Variants in PSG9 observed in about 807,000 individuals in gnomAD.
PSG9 encodes pregnancy-specific beta-1-glycoprotein 9.
PSG9 carries 49 observed loss-of-function variants against 41.9 expected under a neutral mutation model. The observed-to-expected ratio is 1.17, with a 90% confidence interval of 0.93 to 1.48. PSG9 has a LOEUF of 1.48. Ranked by LOEUF, PSG9 falls within the 40% of genes most tolerant of loss-of-function variation. The pLI is 0.00. For missense variants in PSG9, 641 were observed against 520.3 expected (o/e 1.23, Z -2.26); for synonymous variants, 263 against 196.8 (o/e 1.34, Z -2.82).
chr19:43,258,804 T>C, intron 4 of PSG9, 53 bp downstream of exon 4: 3 of 1,571,920 alleles, frequency 1.9e-6, no homozygotes, highest in South Asian at 1.1e-5. Context: ...TGGCATCTGG[T>C]CGTTTGGACT....
Position 43,269,361 on chromosome 19 carries a change from T to C in PSG9, c.64+7A>G. On this transcript the variant is annotated splice_region_variant and intron_variant, in intron 1 of 5. Coordinates refer to ENST00000270077, the MANE Select transcript of PSG9 (RefSeq NM_002784.5). ...CCCTGTCCTCTCCCAGGAAGTTCTCTCCTCACCTGTGAGCAGGAGCCCCTT... is the reference window on the plus strand; with the variant it reads ...CCCTGTCCTCTCCCAGGAAGTTCTCCCCTCACCTGTGAGCAGGAGCCCCTT... 1.9e-6 allele frequency: 3 copies of C among 1,613,452 alleles called. No homozygotes were observed. Among genetic ancestry groups the C allele is most frequent in the South Asian group, 1.1e-5 (1 of 91,078 alleles).
At chr19:43,269,210 T>C (rs1017919823) in intron 1 of PSG9, among the ~76,000 whole-genome samples, 158 bp downstream of exon 1, 1 of 151,968 alleles carries the variant, frequency 6.6e-6, no homozygotes, top group African/African-American at 2.4e-5. Context: ...TTCACTGCAT[T>C]GGCCGGACTG....
At chr19:43,262,378 G>A (rs896770753) in intron 2 of PSG9, among the ~76,000 whole-genome samples, 3 of 152,094 alleles carry the variant, frequency 2.0e-5, no homozygotes, top group Admixed American at 6.5e-5. Context: ...CAGCAGCATT[G>A]GGTCATGGAA....
intron 2 of PSG9, among the ~76,000 whole-genome samples, chr19:43,266,505 T>A (rs963592789): frequency 2.3e-4 from 35 of 152,012 alleles, no homozygotes; most frequent in Non-Finnish European, 4.4e-4. Flanking sequence ...CTCTCCTTGA[T>A]CCTCTCATGA....
intron 1 of PSG9, 145 bp from the exon 2 acceptor site, chr19:43,268,294 C>G: frequency 7.7e-7 from 1 of 1,303,926 alleles, no homozygotes; most frequent in Non-Finnish European, 1.1e-6. Flanking sequence ...ACACAAAAAA[C>G]GGGCATGTGT....
chr19:43,261,450 A>G (rs1968705742), intron 3 of PSG9, among the ~76,000 whole-genome samples: 1 of 152,158 alleles, frequency 6.6e-6, no homozygotes, highest in South Asian at 2.1e-4. Flanking sequence ...TGGTGGGTGC[A>G]TCCAGGCCAT....
chr19:43,265,969 A>G (rs1014899285), intron 2 of PSG9, among the ~76,000 whole-genome samples: 7 of 152,026 alleles, frequency 4.6e-5, no homozygotes, highest in Admixed American at 1.3e-4. Context: ...CAGTGTTAGT[A>G]GGAAGGGAAC....
intron 3 of PSG9, among the ~76,000 whole-genome samples, chr19:43,261,430 G>A (rs1167161804): frequency 6.6e-6 from 1 of 152,164 alleles, no homozygotes; most frequent in Non-Finnish European, 1.5e-5. Flanking sequence ...ATAGATGTAT[G>A]AGGAAGAAAT....
At chr19:43,262,364 T>A (rs889617754) in intron 2 of PSG9, among the ~76,000 whole-genome samples, 37 of 152,092 alleles carry the variant, frequency 2.4e-4, no homozygotes, top group African/African-American at 8.9e-4. Flanking sequence ...AAGTGTGAAT[T>A]GAGCAGCAGC....
At chr19:43,262,174 G>T (rs776275778) in intron 2 of PSG9, 36 bp from the exon 3 acceptor site, 2 of 1,593,620 alleles carry the variant, frequency 1.3e-6, no homozygotes, top group African/African-American at 2.7e-5. Flanking sequence ...GCCCTGTGTG[G>T]CACCTTTGAT....
intron 2 of PSG9, among the ~76,000 whole-genome samples, chr19:43,263,967 C>A (rs1338652587): frequency 2.0e-5 from 3 of 152,130 alleles, no homozygotes; most frequent in Non-Finnish European, 4.4e-5. Context: ...GACTGCAAAA[C>A]AGGTAGGTGA....
At chr19:43,265,387 G>A (rs1441789560) in intron 2 of PSG9, among the ~76,000 whole-genome samples, 1 of 152,106 alleles carries the variant, frequency 6.6e-6, no homozygotes, top group Non-Finnish European at 1.5e-5. Context: ...CTTTTGAGAT[G>A]TTTCTCATTC....
At chr19:43,265,458 AT>A (rs1568418990) in intron 2 of PSG9, among the ~76,000 whole-genome samples, 1 of 152,102 alleles carries the variant, frequency 6.6e-6, no homozygotes, top group Non-Finnish European at 1.5e-5. Context: ...TCAGTCAGTC[AT>A]GTGGCCCCTA....
intron 2 of PSG9, among the ~76,000 whole-genome samples, chr19:43,263,730 A>T (rs941358295): frequency 6.6e-6 from 1 of 152,100 alleles, no homozygotes; most frequent in African/African-American, 2.4e-5. Context: ...TGTGCCGTGA[A>T]TTCCAGCAGG....
rs368844260 is a variant in PSG9, at chr19:43,258,805, C to G, written c.988+52G>C. ...GAGACTGAGAGGCCTGGCATCTGGT[C>G]GTTTGGACTTAAGCTGGTGTCCTGG... is the stretch of plus-strand genomic sequence containing the variant. On this transcript the variant is annotated intron_variant, in intron 4 of 5. Transcript: ENST00000270077. 1.4e-4 allele frequency: 226 copies of G among 1,573,096 alleles called. 19 individuals carry two copies. The highest frequency in any genetic ancestry group is 9.1e-4 in the Middle Eastern group (4 of 4,394).
At chr19:43,268,409 G>A (rs1363238064) in intron 1 of PSG9, among the ~76,000 whole-genome samples, 1 of 152,060 alleles carries the variant, frequency 6.6e-6, no homozygotes, top group East Asian at 1.9e-4. Flanking sequence ...TTTTCTGTTT[G>A]GAATCCTCTT....
At chr19:43,256,844 A>G (rs1285251205) in intron 5 of PSG9, among the ~76,000 whole-genome samples, 3 of 146,820 alleles carry the variant, frequency 2.0e-5, no homozygotes, top group Non-Finnish European at 1.5e-5. Context: ...CAGCAATTCC[A>G]CTTCTGGACA....
chr19:43,264,822 G>C (rs944170869), intron 2 of PSG9, among the ~76,000 whole-genome samples: 1 of 152,186 alleles, frequency 6.6e-6, no homozygotes, highest in African/African-American at 2.4e-5. Context: ...TTAGAACTGA[G>C]TGACAAATTC....
chr19:43,264,249 C>T (rs1968860993), intron 2 of PSG9, among the ~76,000 whole-genome samples: 1 of 152,006 alleles, frequency 6.6e-6, no homozygotes, highest in African/African-American at 2.4e-5. Context: ...GTAGTTGTCC[C>T]ACAACTACAA....
Sources: allele counts gnomAD v4.1 joint callset (sites outside exome capture counted in the v4.1 genomes callset), GRCh38; gene constraint gnomAD v4.1.1; transcripts MANE v1.5; gene names NCBI Gene and HGNC (gene_info 2026-07-23, HGNC 2026-07-21).